ZHX2: variants seen among roughly 807,000 people sequenced by gnomAD.
ZHX2 encodes zinc fingers and homeoboxes protein 2.
ZHX2 carries 6 observed loss-of-function variants against 21.9 expected under a neutral mutation model. The observed-to-expected ratio is 0.27, with a 90% confidence interval of 0.15 to 0.54. ZHX2 has a LOEUF of 0.54. ZHX2 is among the 20% of genes least tolerant of loss of function. The pLI, the probability that ZHX2 is intolerant of heterozygous loss-of-function variation, is 0.95. For missense variants in ZHX2, 908 were observed against 1,090.7 expected, an observed-to-expected ratio of 0.83 and a Z score of 2.36; for synonymous variants, 434 against 437.1, an observed-to-expected ratio of 0.99 and a Z score of 0.09.
intron 2 of ZHX2, among the ~76,000 whole-genome samples, chr8:122,914,636 C>T (rs1425031487): frequency 6.6e-6 from 1 of 152,216 alleles, no homozygotes; most frequent in African/African-American, 2.4e-5. Flanking sequence ...AATTAAAACT[C>T]GCAACCAATT....
intron 3 of ZHX2, among the ~76,000 whole-genome samples, chr8:122,955,070 G>GGC (rs1554589352): frequency 7.9e-5 from 6 of 75,858 alleles, no homozygotes; most frequent in African/African-American, 5.2e-4. Context: ...CACATAAGCC[G>GGC]GGGGGGGGGG....
intron 2 of ZHX2, among the ~76,000 whole-genome samples, chr8:122,886,973 A>G (rs1264648116): frequency 6.6e-6 from 1 of 151,702 alleles, no homozygotes; most frequent in African/African-American, 2.4e-5. Flanking sequence ...GCCCAGGGTC[A>G]CAGAGCATCA....
chr8:122,937,249 G>C (rs1812721252), intron 2 of ZHX2, among the ~76,000 whole-genome samples: 2 of 152,232 alleles, frequency 1.3e-5, no homozygotes, highest in African/African-American at 2.4e-5. Flanking sequence ...GGAAGGCCTG[G>C]GGCATAGCAG....
chr8:122,969,241 A>G (rs1380505696), intron 3 of ZHX2, among the ~76,000 whole-genome samples: 1 of 151,896 alleles, frequency 6.6e-6, no homozygotes, highest in Non-Finnish European at 1.5e-5. Context: ...GGGATGGGGC[A>G]GGGGGATGTG....
At chr8:122,942,457 G>T (rs556014685) in intron 2 of ZHX2, among the ~76,000 whole-genome samples, 3 of 152,126 alleles carry the variant, frequency 2.0e-5, no homozygotes, top group Admixed American at 2.0e-4. Flanking sequence ...GCGATGAGAC[G>T]TGGCATCCCT....
chr8:122,836,242 G>C (rs555138483), intron 1 of ZHX2, among the ~76,000 whole-genome samples: 4 of 152,276 alleles, frequency 2.6e-5, no homozygotes, highest in Admixed American at 2.0e-4. Flanking sequence ...TTGGACCAGA[G>C]AAATCAAGAG....
intron 1 of ZHX2, among the ~76,000 whole-genome samples, chr8:122,833,725 G>A (rs1170660447): frequency 6.6e-6 from 1 of 152,130 alleles, no homozygotes; most frequent in Non-Finnish European, 1.5e-5. Context: ...GGCCGGGCGC[G>A]GTGGCTCACG....
At chr8:122,884,143 T>C (rs1289923829) in intron 2 of ZHX2, among the ~76,000 whole-genome samples, 2 of 152,234 alleles carry the variant, frequency 1.3e-5, no homozygotes, top group Non-Finnish European at 2.9e-5. Flanking sequence ...TAACTATTTG[T>C]GTGTCTAAAC....
chr8:122,963,058 C>A (rs1046734566), intron 3 of ZHX2, among the ~76,000 whole-genome samples: 1 of 152,008 alleles, frequency 6.6e-6, no homozygotes, highest in African/African-American at 2.4e-5. Context: ...ATATTTTCTC[C>A]CACTCTGTGG....
intron 1 of ZHX2, among the ~76,000 whole-genome samples, chr8:122,800,968 A>G (rs1488397976): frequency 6.6e-6 from 1 of 152,220 alleles, no homozygotes; most frequent in Non-Finnish European, 1.5e-5. Flanking sequence ...AAAGTTAAAT[A>G]TTTGTTAGCC....
intron 1 of ZHX2, among the ~76,000 whole-genome samples, chr8:122,785,017 T>A (rs946140172): frequency 6.6e-6 from 1 of 152,044 alleles, no homozygotes; most frequent in Non-Finnish European, 1.5e-5. Flanking sequence ...CCTCTAGGAG[T>A]TTGAGCCGAC....
chr8:122,808,029 G>A (rs1168509668), intron 1 of ZHX2, among the ~76,000 whole-genome samples: 2 of 152,180 alleles, frequency 1.3e-5, no homozygotes, highest in Admixed American at 6.5e-5. Flanking sequence ...TGGCCTTAGT[G>A]CCTGCTTCTA....
chr8:122,956,252 C>G (rs763723913), intron 3 of ZHX2, among the ~76,000 whole-genome samples: 6 of 152,196 alleles, frequency 3.9e-5, no homozygotes, highest in Non-Finnish European at 7.3e-5. Context: ...TTCAACAGTA[C>G]CTTCTGAGCA....
intron 2 of ZHX2, among the ~76,000 whole-genome samples, chr8:122,867,064 C>T (rs1232336352): frequency 6.6e-6 from 1 of 151,672 alleles, no homozygotes; most frequent in African/African-American, 2.4e-5. Flanking sequence ...AACCCCTGGA[C>T]CTCAAGTGAT....
chr8:122,872,175 G>A lies in ZHX2; in HGVS notation c.-220+8636G>A, dbSNP rs1050620119. Among the ~76,000 whole-genome samples, 9 of 152,186 alleles carry A rather than the reference G, an allele frequency of 5.9e-5. 2 individuals carry two copies. Among genetic ancestry groups the A allele is most frequent in the Admixed American group, 4.6e-4 (7 of 15,280 alleles). Reference sequence around the variant, plus strand: ...TGATGGAGGTGACAGGTGAACCTATGGGGTGACTGAACTCACTCAGGGACA... The same window carrying A: ...TGATGGAGGTGACAGGTGAACCTATAGGGTGACTGAACTCACTCAGGGACA... On this transcript the variant is annotated intron_variant, in intron 2 of 3. Coordinates refer to ENST00000314393, the MANE Select transcript of ZHX2 (RefSeq NM_014943.5).
chr8:122,866,050 C>T (rs1819286870), intron 2 of ZHX2, among the ~76,000 whole-genome samples: 1 of 152,202 alleles, frequency 6.6e-6, no homozygotes, highest in African/African-American at 2.4e-5. Context: ...GTGGTGTGAC[C>T]TCTCAGAACA....
intron 2 of ZHX2, among the ~76,000 whole-genome samples, chr8:122,925,434 G>A (rs761166320): frequency 3.3e-5 from 5 of 152,180 alleles, no homozygotes; most frequent in Non-Finnish European, 5.9e-5. Context: ...TGCCCAAAAT[G>A]AGCTCTTGAC....
intron 2 of ZHX2, among the ~76,000 whole-genome samples, chr8:122,889,434 G>T (rs4377968): frequency 1.3e-5 from 2 of 152,018 alleles, no homozygotes; most frequent in South Asian, 4.1e-4. Flanking sequence ...CTAGGGTGAG[G>T]TGATTTCTCA....
rs1768775237 is a variant in ZHX2 at position 122,950,451 on chromosome 8, AT to A, written c.-219-839del. ...GATGGGGGACAAGGAGAGGGAGAGC[AT>A]TCGGACAAATACCTAATGAATGCAG... On this transcript the variant is annotated intron_variant, in intron 2 of 3. Coordinates refer to ENST00000314393, the MANE Select transcript of ZHX2 (RefSeq NM_014943.5). Among the ~76,000 whole-genome samples, 13 of 152,258 alleles carry A rather than the reference AT, an allele frequency of 8.5e-5. No homozygotes were observed. The South Asian group carries it at 2.7e-3, about 32-fold the overall frequency.
Sources: allele counts gnomAD v4.1 joint callset (sites outside exome capture counted in the v4.1 genomes callset), GRCh38; gene constraint gnomAD v4.1.1; transcripts MANE v1.5; gene names NCBI Gene and HGNC (gene_info 2026-07-23, HGNC 2026-07-21).